EHBP1: variants seen among roughly 807,000 people sequenced by gnomAD.
EHBP1 encodes the protein EH domain-binding protein 1.
In EHBP1, 55 loss-of-function variants were observed where a neutral mutation model predicts 144.0. That is an observed-to-expected ratio of 0.38 (90% CI 0.31 to 0.48). The LOEUF (loss-of-function observed/expected upper bound fraction) is 0.48, where lower values mean the gene tolerates loss of function less well. Ranked by LOEUF, EHBP1 falls within the 20% of genes least tolerant of loss-of-function variation. The pLI is 0.98. For missense variants in EHBP1, 1,200 were observed against 1,364.2 expected (o/e 0.88, Z 1.90); for synonymous variants, 469 against 472.7 (o/e 0.99, Z 0.10).
intron 19 of EHBP1, among the ~76,000 whole-genome samples, chr2:63,036,372 C>A (rs989777620): frequency 2.0e-5 from 3 of 151,862 alleles, no homozygotes; most frequent in African/African-American, 7.3e-5. Context: ...TCAATGTGGT[C>A]TCAAGGAGAT....
intron 2 of EHBP1, among the ~76,000 whole-genome samples, chr2:62,711,120 G>A (rs903935079): frequency 2.0e-5 from 3 of 152,132 alleles, no homozygotes; most frequent in Non-Finnish European, 2.9e-5. Flanking sequence ...AGAGTAGTAG[G>A]TGGTGAGAAA....
At chr2:62,890,113 A>T (rs2052335664) in intron 10 of EHBP1, among the ~76,000 whole-genome samples, 1 of 152,002 alleles carries the variant, frequency 6.6e-6, no homozygotes. Context: ...GGCACATGCC[A>T]CCACACCCAG....
chr2:62,932,808 G>A (rs2056105093), intron 10 of EHBP1, among the ~76,000 whole-genome samples: 1 of 152,014 alleles, frequency 6.6e-6, no homozygotes, highest in Admixed American at 6.6e-5. Context: ...ACAAAAATTA[G>A]CTGGGCATGA....
intron 3 of EHBP1, among the ~76,000 whole-genome samples, chr2:62,747,917 A>T (rs191995468): frequency 3.3e-5 from 5 of 152,162 alleles, no homozygotes; most frequent in Admixed American, 2.6e-4. Context: ...GCCTTCTGCC[A>T]CATGAGGATG....
intron 5 of EHBP1, among the ~76,000 whole-genome samples, chr2:62,817,468 G>A (rs561638946): frequency 8.5e-5 from 13 of 152,230 alleles, no homozygotes; most frequent in African/African-American, 2.9e-4. Flanking sequence ...AAAAAAAGAT[G>A]GAACAATAGC....
At chr2:62,908,031 T>C (rs1392870613) in intron 10 of EHBP1, among the ~76,000 whole-genome samples, 2 of 152,310 alleles carry the variant, frequency 1.3e-5, no homozygotes, top group Non-Finnish European at 2.9e-5. Flanking sequence ...TAGACTGGGT[T>C]CATTTCTTCT....
intron 1 of EHBP1, among the ~76,000 whole-genome samples, chr2:62,674,321 C>T (rs890378304): frequency 1.3e-5 from 2 of 152,138 alleles, no homozygotes; most frequent in Non-Finnish European, 2.9e-5. Context: ...TGAGCATTCA[C>T]CTGGCTGCTA....
intron 7 of EHBP1, chr2:62,858,323 C>G (rs1453032306): frequency 6.0e-6 from 5 of 838,110 alleles, no homozygotes; most frequent in East Asian, 5.0e-5. Flanking sequence ...TCCTCTTTGT[C>G]TTTTTGGGTA....
intron 19 of EHBP1, among the ~76,000 whole-genome samples, chr2:63,001,311 C>T (rs1386533677): frequency 6.6e-6 from 1 of 152,080 alleles, no homozygotes; most frequent in Non-Finnish European, 1.5e-5. Flanking sequence ...GATCATGAGC[C>T]TTCTCAAAAA....
chr2:62,995,430 ATAGT>A (rs2059592099), intron 18 of EHBP1, among the ~76,000 whole-genome samples: 1 of 152,112 alleles, frequency 6.6e-6, no homozygotes, highest in Non-Finnish European at 1.5e-5. Context: ...AGTTACACAT[ATAGT>A]TAGACATATT....
At chr2:62,935,185 T>C (rs1326816224) in intron 10 of EHBP1, among the ~76,000 whole-genome samples, 1 of 151,548 alleles carries the variant, frequency 6.6e-6, no homozygotes, top group Non-Finnish European at 1.5e-5. Flanking sequence ...AAAAATTAGC[T>C]GCGTGTGGTG....
chr2:63,045,617 A>T lies in EHBP1; in HGVS notation c.*117A>T. 1 of 787,376 alleles carries T rather than the reference A, an allele frequency of 1.3e-6. No individual in the cohort carries two copies. Among genetic ancestry groups the T allele is most frequent in the Non-Finnish European group, 2.1e-6 (1 of 484,038 alleles). 48.8% of individuals were successfully genotyped at this position (787,376 alleles called of 1,614,324 possible). On this transcript the variant is annotated 3_prime_UTR_variant, in exon 23 of 23. Transcript: ENST00000431489. The surrounding 1 kb of genome is among the most constrained non-coding windows in gnomAD (Gnocchi z 5.7). ...ACATTTTGTTTGGCTGGATTGTACT[A>T]CTTTACCTCTACTTTACCACCACCA...
Position 62,935,601 on chromosome 2 carries a change from A to G in EHBP1, c.1186-7117A>G, listed in dbSNP as rs190404726. 3.3e-5 allele frequency among the ~76,000 whole-genome samples: 5 copies of G among 152,120 alleles called. No individual in the cohort carries two copies. The East Asian group carries it at 9.6e-4, about 29-fold the overall frequency. ...CTCTTATTAATTCTAATAAACTGTA[A>G]CTTCTTGTGGATGTTCTACATACTC... On this transcript the variant is annotated intron_variant, in intron 10 of 22. Coordinates refer to ENST00000431489, the MANE Select transcript of EHBP1 (RefSeq NM_001142616.3).
intron 5 of EHBP1, among the ~76,000 whole-genome samples, chr2:62,822,076 A>G (rs2046025386): frequency 6.6e-6 from 1 of 152,152 alleles, no homozygotes; most frequent in Admixed American, 6.5e-5. Context: ...TTATTCATTC[A>G]TTCTAACCAA....
chr2:62,695,196 C>CA (rs2034042698), intron 1 of EHBP1, among the ~76,000 whole-genome samples: 4 of 151,990 alleles, frequency 2.6e-5, no homozygotes, highest in African/African-American at 9.6e-5. Flanking sequence ...CCATTTCTAC[C>CA]AAAAAAATAC....
At chr2:62,898,226 G>A (rs1157785954) in intron 10 of EHBP1, among the ~76,000 whole-genome samples, 2 of 152,132 alleles carry the variant, frequency 1.3e-5, no homozygotes, top group Non-Finnish European at 2.9e-5. Context: ...AAGACTTCCA[G>A]TTCCAAAAGA....
At chr2:62,703,441 T>C (rs1263603578), upstream of EHBP1, among the ~76,000 whole-genome samples, 1 of 152,192 alleles carries the variant, frequency 6.6e-6, no homozygotes, top group Non-Finnish European at 1.5e-5. Flanking sequence ...TCAATAAATT[T>C]AGTTAGTATA....
intron 10 of EHBP1, among the ~76,000 whole-genome samples, chr2:62,900,994 A>G (rs1558882045): frequency 6.6e-6 from 1 of 152,142 alleles, no homozygotes; most frequent in Non-Finnish European, 1.5e-5. Context: ...GTTTTGCCTT[A>G]TACTGTGAAG....
intron 2 of EHBP1, among the ~76,000 whole-genome samples, chr2:62,714,302 G>A (rs898243941): frequency 2.0e-5 from 3 of 152,150 alleles, no homozygotes; most frequent in Non-Finnish European, 2.9e-5. Context: ...AGTGTTTAGG[G>A]AATACAGAGT....
Sources: gnomAD v4.1 joint callset for allele counts (sites outside exome capture counted in the v4.1 genomes callset) on GRCh38, gnomAD v4.1.1 for gene constraint, Gnocchi (gnomAD v3.1) non-coding constraint, MANE v1.5 for transcripts, NCBI Gene and HGNC (gene_info 2026-07-23, HGNC 2026-07-21) for gene names.